Variants in FBXW10B observed in about 807,000 individuals in gnomAD.
The protein encoded by FBXW10B is F-box and WD repeat domain containing 10B.
chr17:15,583,568 G>A, the FBXW10B span, among the ~76,000 whole-genome samples: 1 of 149,570 alleles, frequency 6.7e-6, no homozygotes. Context: ...GCATAATGGA[G>A]TAAACTGAAG....
chr17:15,609,858 T>TTTTC, the FBXW10B span, among the ~76,000 whole-genome samples: 4 of 137,894 alleles, frequency 2.9e-5, no homozygotes, highest in Admixed American at 7.1e-5. Flanking sequence ...CTTTCTTTTT[T>TTTTC]TTTTTTTTTT....
chr17:15,594,296 C>T, the FBXW10B span, among the ~76,000 whole-genome samples: 767 of 151,906 alleles, frequency 5.0e-3, 7 homozygotes, highest in African/African-American at 0.017. Flanking sequence ...CACCGTGAAA[C>T]CCCGTCTCTA....
At chr17:15,569,850 C>T in the FBXW10B span, among the ~76,000 whole-genome samples, 2 of 152,140 alleles carry the variant, frequency 1.3e-5, no homozygotes, top group East Asian at 1.9e-4. Context: ...GCTGGGATTA[C>T]AGGCATGAGC....
chr17:15,569,978 T>C, the FBXW10B span, among the ~76,000 whole-genome samples: 1 of 152,252 alleles, frequency 6.6e-6, no homozygotes, highest in Non-Finnish European at 1.5e-5. Flanking sequence ...ACATTCTGGG[T>C]ATTAATGCTC....
the FBXW10B span, among the ~76,000 whole-genome samples, chr17:15,597,848 G>A: frequency 1.3e-5 from 2 of 152,310 alleles, no homozygotes; most frequent in African/African-American, 2.4e-5. Context: ...CATGCTCATC[G>A]TCACAAGACA....
chr17:15,616,067 CAGGA>C, the FBXW10B span, among the ~76,000 whole-genome samples: 1 of 152,036 alleles, frequency 6.6e-6, no homozygotes, highest in Admixed American at 6.6e-5. Flanking sequence ...GAGTCGAGGT[CAGGA>C]ACTGCAACAG....
At chr17:15,572,940 A>G in the FBXW10B span, 2 of 152,134 alleles carry the variant, frequency 1.3e-5, no homozygotes, top group Non-Finnish European at 2.9e-5. Context: ...CTGCCTGGGT[A>G]AAATAGACCA....
the FBXW10B span, among the ~76,000 whole-genome samples, chr17:15,597,352 G>A: frequency 6.6e-6 from 1 of 151,060 alleles, no homozygotes; most frequent in African/African-American, 2.5e-5. Context: ...TTGATGCCGG[G>A]CCCAGTGGCT....
chr17:15,613,333 G>A, the FBXW10B span, among the ~76,000 whole-genome samples: 1 of 145,806 alleles, frequency 6.9e-6, no homozygotes, highest in Non-Finnish European at 1.5e-5. Flanking sequence ...CTCCCTGGGG[G>A]CTGGGGGTTC....
At chr17:15,606,643 G>A in the FBXW10B span, among the ~76,000 whole-genome samples, 32 of 142,212 alleles carry the variant, frequency 2.3e-4, no homozygotes, top group African/African-American at 9.2e-4. Context: ...ATGTATATGT[G>A]TATATATATA....
chr17:15,593,694 T>C, the FBXW10B span, among the ~76,000 whole-genome samples: 7 of 151,220 alleles, frequency 4.6e-5, no homozygotes, highest in African/African-American at 9.7e-5. Context: ...AACGGTGCGA[T>C]CTTGGCTCAC....
At chr17:15,597,326 T>C in the FBXW10B span, among the ~76,000 whole-genome samples, 1 of 149,998 alleles carries the variant, frequency 6.7e-6, no homozygotes, top group Admixed American at 6.7e-5. Flanking sequence ...GAACAGGGTT[T>C]TCTAAAATGA....
chr17:15,580,881 C>A, the FBXW10B span, among the ~76,000 whole-genome samples: 3 of 152,046 alleles, frequency 2.0e-5, no homozygotes, highest in African/African-American at 7.2e-5. Context: ...ATTTAACAAG[C>A]ACTTTTTAAG....
chr17:15,611,152 T>C, the FBXW10B span, among the ~76,000 whole-genome samples: 7 of 151,168 alleles, frequency 4.6e-5, no homozygotes, highest in African/African-American at 1.7e-4. Flanking sequence ...GCCTCCCGAG[T>C]AGATGGGACT....
chr17:15,606,771 A>G, the FBXW10B span, among the ~76,000 whole-genome samples: 1 of 152,082 alleles, frequency 6.6e-6, no homozygotes, highest in African/African-American at 2.4e-5. Context: ...AGCAGTTATC[A>G]CCACACTAAG....
At chr17:15,594,713 C>T in the FBXW10B span, 1 of 1,610,798 alleles carries the variant, frequency 6.2e-7, no homozygotes. Context: ...GGGAAGGACA[C>T]CAGGTTCATC....
At chr17:15,612,776 A>G in the FBXW10B span, 3 of 1,614,174 alleles carry the variant, frequency 1.9e-6, no homozygotes, top group Non-Finnish European at 2.5e-6. Flanking sequence ...GAACTGGGAT[A>G]GAAACCTTAT....
the FBXW10B span, among the ~76,000 whole-genome samples, chr17:15,594,095 T>A: frequency 6.6e-6 from 1 of 152,124 alleles, no homozygotes; most frequent in Admixed American, 6.5e-5. Flanking sequence ...TAGATGATCA[T>A]GTTTGTCTCT....
chr17:15,592,306 T>G, the FBXW10B span, among the ~76,000 whole-genome samples: 13 of 150,878 alleles, frequency 8.6e-5, no homozygotes, highest in South Asian at 6.3e-4. Context: ...TTTTTTTTTT[T>G]TTTTTTTTTT....
Sources: allele counts gnomAD v4.1 joint callset (sites outside exome capture counted in the v4.1 genomes callset), GRCh38; gene constraint gnomAD v4.1.1; transcripts MANE v1.5; gene names NCBI Gene and HGNC (gene_info 2026-07-23, HGNC 2026-07-21).